The following DOCK10 variants were observed in gnomAD, a reference collection of about 807,000 sequenced individuals.
DOCK10 encodes the protein dedicator of cytokinesis 10.
DOCK10 carries 145 observed loss-of-function variants against 280.1 expected under a neutral mutation model. The ratio of observed to expected loss-of-function variants is 0.52; its 90% confidence interval spans 0.45 to 0.59. The LOEUF is 0.59. Ranked by LOEUF, DOCK10 falls within the 20% of genes least tolerant of loss-of-function variation. The probability of loss-of-function intolerance (pLI) is 0.00; values close to 1 mark genes in which losing one functional copy is unlikely to be tolerated. For synonymous variants in DOCK10, 915 were observed against 942.2 expected (o/e 0.97, Z 0.53); for missense variants, 2,368 against 2,651.7 (o/e 0.89, Z 2.35).
At chr2:225,038,737 T>C (rs1183343298) in intron 1 of DOCK10, among the ~76,000 whole-genome samples, 1 of 152,158 alleles carries the variant, frequency 6.6e-6, no homozygotes, top group Admixed American at 6.5e-5. Flanking sequence ...GTAACTAAAG[T>C]GGTAAGCTCC....
At chr2:224,965,167 A>T (rs766371661) in intron 1 of DOCK10, among the ~76,000 whole-genome samples, 1 of 152,344 alleles carries the variant, frequency 6.6e-6, no homozygotes, top group African/African-American at 2.4e-5. Context: ...AAACATAATC[A>T]TTCAGCCTTT....
intron 18 of DOCK10, among the ~76,000 whole-genome samples, chr2:224,850,722 T>C (rs1009440523): frequency 1.3e-5 from 2 of 152,148 alleles, no homozygotes; most frequent in Admixed American, 6.6e-5. Flanking sequence ...GCTGTTCTCA[T>C]GACAGTGAAT....
chr2:224,815,908 C>A (rs1694104980), intron 30 of DOCK10, among the ~76,000 whole-genome samples: 1 of 142,688 alleles, frequency 7.0e-6, no homozygotes, highest in Non-Finnish European at 1.5e-5. Flanking sequence ...TGGTGGCACA[C>A]ACCTGTAGTC....
At chr2:224,996,670 G>T (rs564052302) in intron 1 of DOCK10, among the ~76,000 whole-genome samples, 1 of 152,222 alleles carries the variant, frequency 6.6e-6, no homozygotes, top group Non-Finnish European at 1.5e-5. Context: ...ACTTAGCCAG[G>T]TGTTTGGCAT....
chr2:224,848,228 T>C (rs933208987), intron 19 of DOCK10, among the ~76,000 whole-genome samples: 1 of 152,198 alleles, frequency 6.6e-6, no homozygotes, highest in African/African-American at 2.4e-5. Flanking sequence ...AAGATAACAA[T>C]TGCATACTGT....
intron 1 of DOCK10, among the ~76,000 whole-genome samples, chr2:224,957,286 C>CG (rs567289836): frequency 1.7e-4 from 6 of 34,418 alleles, no homozygotes; most frequent in Non-Finnish European, 4.6e-4. Flanking sequence ...TTACTTTCCG[C>CG]CCCCCCCCGG....
intron 1 of DOCK10, chr2:224,983,556 G>A: frequency 3.4e-6 from 1 of 295,708 alleles, no homozygotes; most frequent in Non-Finnish European, 6.8e-6. Flanking sequence ...CGTGAAGGGT[G>A]CTGCAGGAAG....
chr2:225,032,542 T>G (rs1476821779), intron 1 of DOCK10, among the ~76,000 whole-genome samples: 2 of 152,192 alleles, frequency 1.3e-5, no homozygotes, highest in East Asian at 1.9e-4. Flanking sequence ...AGAATAAAAC[T>G]TCCTTTGAAT....
intron 4 of DOCK10, among the ~76,000 whole-genome samples, chr2:224,886,769 A>C (rs957035040): frequency 1.3e-5 from 2 of 152,026 alleles, no homozygotes; most frequent in Non-Finnish European, 2.9e-5. Flanking sequence ...TTATATATAT[A>C]TATTTGAGAC....
Position 224,854,813 on chromosome 2 carries a change from T to C in DOCK10, c.1888+150A>G, listed in dbSNP as rs186146959. On this transcript the variant is annotated intron_variant, in intron 16 of 55. Coordinates refer to ENST00000258390, the MANE Select transcript of DOCK10 (RefSeq NM_014689.3). ...TCATGAATTCCATATATTTCAACTT[T>C]TGGGAAAAAAAAAACCCAAAACCTT... The C allele has an allele frequency of 1.1e-3, 654 of 574,388 alleles. 1 individual carries two copies. The highest frequency in any genetic ancestry group is 0.011 in the African/African-American group (575 of 52,638). 35.6% of individuals were successfully genotyped at this position (574,388 alleles called of 1,614,324 possible).
Position 224,849,502 on chromosome 2 carries a change from C to G in DOCK10, c.2235+5G>C, listed in dbSNP as rs1421466262. 2 of 1,606,226 alleles carry G rather than the reference C, an allele frequency of 1.2e-6. No individual in the cohort carries two copies. Among genetic ancestry groups the G allele is most frequent in the African/African-American group, 2.7e-5 (2 of 74,810 alleles). On this transcript the variant is annotated splice_donor_5th_base_variant and intron_variant, in intron 19 of 55. Coordinates refer to ENST00000258390, the MANE Select transcript of DOCK10 (RefSeq NM_014689.3). ...CGCTGGGGGCAGTGGAGGGCTAGCT[C>G]TTACCTCATCTGAGAAATCCGGATT...
chr2:224,803,013 G>A (rs973502737), intron 39 of DOCK10, among the ~76,000 whole-genome samples: 3 of 152,066 alleles, frequency 2.0e-5, no homozygotes, highest in African/African-American at 7.2e-5. Context: ...AGGAGTGCGT[G>A]ATTCCTTGGC....
chr2:224,824,978 A>AT (rs10563888), intron 27 of DOCK10, among the ~76,000 whole-genome samples: 7,680 of 126,916 alleles, frequency 0.061, 322 homozygotes, highest in South Asian at 0.089. Context: ...GCTGGCTTCT[A>AT]TTTTTTTTTT....
chr2:224,998,724 T>C lies in DOCK10; in HGVS notation c.123+43528A>G, dbSNP rs1468807590. ...TCTAAGCACCCCCTTTCTTCCCTTC[T>C]TCTTTTCCCATTCACTCTTAACCCA... is the stretch of plus-strand genomic sequence containing the variant. On this transcript the variant is annotated intron_variant, in intron 1 of 55. Transcript: ENST00000258390. 2.0e-5 allele frequency among the ~76,000 whole-genome samples: 3 copies of C among 152,226 alleles called. No homozygotes were observed. The East Asian group carries it at 5.8e-4, about 29-fold the overall frequency.
In DOCK10 at chr2:224,885,798, T is replaced by C; in HGVS notation, c.620A>G (p.Lys207Arg). 2.5e-6 allele frequency: 4 copies of C among 1,612,540 alleles called. No homozygotes were observed. The highest frequency in any genetic ancestry group is 3.4e-6 in the Non-Finnish European group (4 of 1,179,596). Residue 207 changes from lysine to arginine, a missense_variant, in exon 7 of 56, where the codon AAA (lysine) becomes AGA (arginine). Transcript: ENST00000258390. ...VNNTVTVRSF[K>R]KRYFQLTQLP... is the part of the protein sequence containing the mutation. The stretch of plus-strand genomic sequence containing the variant: ...CTGAGTCAGCTGGAAGTAGCGCTTT[T>C]TGAATGACTAAATAAAGGAAAAGAT...
intron 7 of DOCK10, among the ~76,000 whole-genome samples, chr2:224,879,358 T>C (rs1173723356): frequency 6.6e-6 from 1 of 152,126 alleles, no homozygotes; most frequent in Non-Finnish European, 1.5e-5. Flanking sequence ...CCTTCACTGA[T>C]GGACAGTCTA....
At chr2:224,839,168 T>C (rs1194102467) in intron 24 of DOCK10, among the ~76,000 whole-genome samples, 2 of 151,702 alleles carry the variant, frequency 1.3e-5, no homozygotes, top group African/African-American at 4.9e-5. Flanking sequence ...AAGCTCCGCC[T>C]CCTGGGTTCA....
At chr2:224,850,656 T>C (rs920842472) in intron 18 of DOCK10, among the ~76,000 whole-genome samples, 2 of 152,168 alleles carry the variant, frequency 1.3e-5, no homozygotes, top group Non-Finnish European at 2.9e-5. Context: ...TCTTGAATTA[T>C]AATCCCGACA....
chr2:224,797,766 AGGTTTACTATTCTATG>A (rs1692684607), intron 42 of DOCK10, 50 bp downstream of exon 42: 1 of 1,532,122 alleles, frequency 6.5e-7, no homozygotes, highest in South Asian at 1.2e-5. Context: ...GGATTCCTAT[AGGTTTACTATTCTATG>A]GGTTTACTGT....
Sources: allele counts gnomAD v4.1 joint callset (sites outside exome capture counted in the v4.1 genomes callset), GRCh38; gene constraint gnomAD v4.1.1; transcripts MANE v1.5; gene names NCBI Gene and HGNC (gene_info 2026-07-23, HGNC 2026-07-21).